The following CNTN1 variants were observed in gnomAD, a reference collection of about 807,000 sequenced individuals.
The protein encoded by CNTN1 is contactin-1.
A neutral mutation model predicts 126.4 loss-of-function variants in CNTN1; 38 were observed. The ratio of observed to expected loss-of-function variants is 0.30; its 90% CI spans 0.23 to 0.39. CNTN1 has a LOEUF of 0.39. Among genes scored for constraint, CNTN1 ranks in the 10% least tolerant of loss-of-function variants. The pLI is 1.00. For synonymous variants in CNTN1, 413 were observed against 422.6 expected (o/e 0.98, Z 0.28); for missense variants, 1,009 against 1,248.4 (o/e 0.81, Z 2.89).
At chr12:40,923,320 C>G (rs1945519049) in intron 5 of CNTN1, among the ~76,000 whole-genome samples, 1 of 151,526 alleles carries the variant, frequency 6.6e-6, no homozygotes, top group African/African-American at 2.4e-5. Context: ...TGAGTTGGAC[C>G]AGGTGATCTC....
chr12:40,793,197 C>CT (rs1940285702), intron 1 of CNTN1, among the ~76,000 whole-genome samples: 1 of 152,074 alleles, frequency 6.6e-6, no homozygotes, highest in South Asian at 2.1e-4. Flanking sequence ...ACCTTTCCTC[C>CT]TTTGCCTTCT....
chr12:40,813,737 A>C (rs1941168897), intron 1 of CNTN1, among the ~76,000 whole-genome samples: 1 of 152,150 alleles, frequency 6.6e-6, no homozygotes, highest in South Asian at 2.1e-4. Context: ...GTCAAATGGT[A>C]TTTCTGGTTC....
chr12:40,864,911 A>T lies in CNTN1; in HGVS notation c.-76-43446A>T, dbSNP rs1288378099. On this transcript the variant is annotated intron_variant, in intron 1 of 23. Transcript: ENST00000551295. ...TCTTAAATTTGGAGGCAAAGTTACC[A>T]CCAAACTGTTTTCCAAAGTAACAGC... Among the ~76,000 whole-genome samples, 3 of 152,160 alleles carry T rather than the reference A, an allele frequency of 2.0e-5. No individual in the cohort carries two copies. In the East Asian group the frequency reaches 5.8e-4, roughly 29 times the overall value.
chr12:40,973,765 G>A (rs971961828), intron 15 of CNTN1, among the ~76,000 whole-genome samples: 2 of 152,096 alleles, frequency 1.3e-5, no homozygotes, highest in African/African-American at 2.4e-5. Context: ...GTGTTTAAGA[G>A]GGAGAGAGCA....
chr12:40,824,155 A>T (rs1053343127), intron 1 of CNTN1, among the ~76,000 whole-genome samples: 1 of 152,098 alleles, frequency 6.6e-6, no homozygotes, highest in Non-Finnish European at 1.5e-5. Context: ...AAATTGTCCT[A>T]TATAATCAAT....
intron 1 of CNTN1, among the ~76,000 whole-genome samples, chr12:40,755,870 A>AT (rs1223514708): frequency 2.6e-5 from 4 of 152,090 alleles, no homozygotes; most frequent in Non-Finnish European, 4.4e-5. Flanking sequence ...GAGGGAAGGG[A>AT]TATTAATAGC....
At chr12:40,995,841 T>C (rs1481578087) in intron 17 of CNTN1, among the ~76,000 whole-genome samples, 1 of 152,250 alleles carries the variant, frequency 6.6e-6, no homozygotes, top group African/African-American at 2.4e-5. Context: ...ATTACTATAG[T>C]TTACACATTT....
chr12:40,713,155 C>G (rs1941966166), intron 1 of CNTN1, among the ~76,000 whole-genome samples: 3 of 151,684 alleles, frequency 2.0e-5, no homozygotes, highest in Admixed American at 2.0e-4. Context: ...ATTTCAAAAC[C>G]AAGTACATTC....
chr12:40,972,757 T>A, intron 15 of CNTN1: 2 of 618,682 alleles, frequency 3.2e-6, no homozygotes, highest in Non-Finnish European at 4.0e-6. Context: ...ATTTGAGAAT[T>A]TTCATGTGTC....
chr12:41,038,199 T>C lies in CNTN1; in HGVS notation c.2980+8980T>C, dbSNP rs146129523. Among the ~76,000 whole-genome samples, 355 of 152,236 alleles carry C rather than the reference T, an allele frequency of 2.3e-3. 2 individuals carry two copies. The highest frequency in any genetic ancestry group is 6.8e-3 in the Middle Eastern group (2 of 294). ...AAATAAATAAAGTTTTAAAAATTAC[T>C]AATTTACATAATTTATTTTAAAGTG... On this transcript the variant is annotated intron_variant, in intron 23 of 23. Coordinates refer to ENST00000551295, the MANE Select transcript of CNTN1 (RefSeq NM_001843.4).
intron 15 of CNTN1, among the ~76,000 whole-genome samples, chr12:40,976,002 G>A (rs1416926906): frequency 6.6e-6 from 1 of 152,148 alleles, no homozygotes; most frequent in Non-Finnish European, 1.5e-5. Context: ...ATGGGTAGGG[G>A]GAGGTGGTGA....
rs1180275118 is a variant in CNTN1 at position 40,789,251 on chromosome 12, G to T, written c.-77+96659G>T. Among the ~76,000 whole-genome samples the T allele has an allele frequency of 3.9e-5, 6 of 152,062 alleles. No homozygotes were observed. In the East Asian group the frequency reaches 1.2e-3, roughly 29 times the overall value. On this transcript the variant is annotated intron_variant, in intron 1 of 23. Transcript: ENST00000551295. ...AGATGAATTTCTAATCCAACTATTT[G>T]CATTTTGATAACTGAATCACCCATC...
rs770540367 is a variant in CNTN1, at chr12:41,027,867, G to A, written c.2721G>A (p.Gln907=). 6.2e-7 allele frequency: 1 copy of A among 1,611,932 alleles called. No homozygotes were observed. The highest frequency in any genetic ancestry group is 8.5e-7 in the Non-Finnish European group (1 of 1,178,128). ...EAFTKKAPPS[Q]PPRIISSVRS... Reference sequence around the variant, plus strand: ...TACTACTTTTCACAGCTCCTAGCCAGCCTCCAAGGATCATCAGTTCAGTAA... The same window carrying A: ...TACTACTTTTCACAGCTCCTAGCCAACCTCCAAGGATCATCAGTTCAGTAA... The change falls in exon 22 of 24, where the codon CAG becomes CAA. Residue 907 remains glutamine (Q), a synonymous_variant. Coordinates refer to ENST00000551295, the MANE Select transcript of CNTN1 (RefSeq NM_001843.4).
At chr12:40,700,769 T>C (rs569600713) in intron 1 of CNTN1, among the ~76,000 whole-genome samples, 1 of 152,156 alleles carries the variant, frequency 6.6e-6, no homozygotes, top group Non-Finnish European at 1.5e-5. Flanking sequence ...GATATAAGAT[T>C]GATTTTTAAA....
chr12:40,836,702 T>A (rs1314218663), intron 1 of CNTN1, among the ~76,000 whole-genome samples: 1 of 152,226 alleles, frequency 6.6e-6, no homozygotes, highest in Non-Finnish European at 1.5e-5. Context: ...GTATAATGGT[T>A]AATTCATTGT....
intron 6 of CNTN1, among the ~76,000 whole-genome samples, chr12:40,926,690 G>T (rs1478245698): frequency 6.6e-6 from 1 of 152,016 alleles, no homozygotes; most frequent in Non-Finnish European, 1.5e-5. Flanking sequence ...GGTAGCATAT[G>T]ATGGGCCAGA....
chr12:41,033,321 A>G (rs1299035215), intron 23 of CNTN1, among the ~76,000 whole-genome samples: 1 of 152,222 alleles, frequency 6.6e-6, no homozygotes, highest in East Asian at 1.9e-4. Context: ...TGAGCAAATT[A>G]AGAAAATATA....
At chr12:41,010,009 C>T (rs1348892276) in intron 17 of CNTN1, among the ~76,000 whole-genome samples, 1 of 152,112 alleles carries the variant, frequency 6.6e-6, no homozygotes, top group Non-Finnish European at 1.5e-5. Context: ...CCATCTGCAA[C>T]CTAAGGGGTT....
intron 1 of CNTN1, among the ~76,000 whole-genome samples, chr12:40,875,179 G>A (rs1235085038): frequency 6.6e-6 from 1 of 152,060 alleles, no homozygotes; most frequent in Non-Finnish European, 1.5e-5. Context: ...CATAAATATT[G>A]TTTAATCTGA....
Sources: allele counts gnomAD v4.1 joint callset (sites outside exome capture counted in the v4.1 genomes callset), GRCh38; gene constraint gnomAD v4.1.1; transcripts MANE v1.5; gene names NCBI Gene and HGNC (gene_info 2026-07-23, HGNC 2026-07-21).